Variants in TXNDC8 observed in about 807,000 individuals in gnomAD.
TXNDC8 encodes thioredoxin domain containing 8.
TXNDC8 carries 15 observed loss-of-function variants against 12.9 expected under a neutral mutation model. The ratio of observed to expected loss-of-function variants is 1.16; its 90% confidence interval spans 0.78 to 1.79. TXNDC8 has a LOEUF of 1.79. Among genes scored for constraint, TXNDC8 ranks in the 40% most tolerant of loss-of-function variants. TXNDC8 has a pLI of 0.00. For missense variants in TXNDC8, 128 were observed against 113.2 expected (o/e 1.13, Z -0.59); for synonymous variants, 40 against 35.4 (o/e 1.13, Z -0.46).
chr9:110,333,217 G>A (rs1219345455), intron 2 of TXNDC8, among the ~76,000 whole-genome samples: 3 of 152,160 alleles, frequency 2.0e-5, no homozygotes, highest in African/African-American at 4.8e-5. Flanking sequence ...ACAACGGGAG[G>A]TGAGCGGTGG....
At chr9:110,304,366 G>A (rs2118677543) in intron 4 of TXNDC8, 101 bp downstream of exon 5, 1 of 1,076,150 alleles carries the variant, frequency 9.3e-7, no homozygotes, top group Non-Finnish European at 1.4e-6. Context: ...AAAGGCTTCT[G>A]CTTCTCCAGG....
intron 3 of TXNDC8, among the ~76,000 whole-genome samples, chr9:110,311,521 G>GTA (rs66474968): frequency 0.15 from 5,910 of 40,632 alleles, 781 homozygotes; most frequent in Non-Finnish European, 0.22. Flanking sequence ...AAATAAAGAG[G>GTA]TATATATATA....
chr9:110,332,998 A>G (rs1390858081), intron 2 of TXNDC8, among the ~76,000 whole-genome samples: 3 of 152,240 alleles, frequency 2.0e-5, no homozygotes, highest in African/African-American at 7.2e-5. Flanking sequence ...TAAATACTGC[A>G]TGATTCAATT....
intron 3 of TXNDC8, chr9:110,323,962 G>T: frequency 2.6e-6 from 4 of 1,550,902 alleles, no homozygotes; most frequent in Non-Finnish European, 3.5e-6. Context: ...TTCTGATGGG[G>T]ATGGAGTTCA....
chr9:110,334,182 C>T (rs1839655092), intron 2 of TXNDC8, 34 bp downstream of exon 2: 1 of 1,484,888 alleles, frequency 6.7e-7, no homozygotes, highest in Non-Finnish European at 9.1e-7. Flanking sequence ...TAAATTTCTT[C>T]TGAAACTATG....
intron 3 of TXNDC8, among the ~76,000 whole-genome samples, chr9:110,312,517 C>T (rs745361813): frequency 1.3e-5 from 2 of 152,154 alleles, no homozygotes; most frequent in African/African-American, 4.8e-5. Context: ...CCCAGGAGCC[C>T]CAAGTTTATC....
chr9:110,332,765 A>G (rs902596839), intron 2 of TXNDC8, among the ~76,000 whole-genome samples: 4 of 152,252 alleles, frequency 2.6e-5, no homozygotes, highest in African/African-American at 9.6e-5. Flanking sequence ...AAAATATTGT[A>G]TAGATATTAA....
chr9:110,336,344 A>T (rs1193439031), intron 1 of TXNDC8, among the ~76,000 whole-genome samples: 2 of 152,192 alleles, frequency 1.3e-5, no homozygotes, highest in African/African-American at 4.8e-5. Flanking sequence ...CTTTATCAAT[A>T]TTCCTCTGGG....
chr9:110,311,870 A>G (rs1290729835), intron 3 of TXNDC8, among the ~76,000 whole-genome samples: 1 of 147,076 alleles, frequency 6.8e-6, no homozygotes, highest in African/African-American at 2.5e-5. Flanking sequence ...TACTATATAT[A>G]TATGGATATA....
intron 3 of TXNDC8, among the ~76,000 whole-genome samples, chr9:110,324,853 T>C (rs1564103906): frequency 6.6e-6 from 1 of 152,242 alleles, no homozygotes; most frequent in Admixed American, 6.5e-5. Context: ...GGCACATGCC[T>C]GTAATCCCAT....
chr9:110,315,220 C>T (rs1037800098), intron 3 of TXNDC8, among the ~76,000 whole-genome samples: 2 of 152,050 alleles, frequency 1.3e-5, no homozygotes, highest in Non-Finnish European at 2.9e-5. Flanking sequence ...GCCTCAGCCT[C>T]CCGAGTAGCT....
At chr9:110,321,066 G>A (rs1839075172) in intron 3 of TXNDC8, among the ~76,000 whole-genome samples, 1 of 152,238 alleles carries the variant, frequency 6.6e-6, no homozygotes, top group African/African-American at 2.4e-5. Flanking sequence ...TCCTAGGTCA[G>A]TGTATATAGC....
chr9:110,326,480 C>T (rs551802286), intron 2 of TXNDC8, among the ~76,000 whole-genome samples: 1 of 152,018 alleles, frequency 6.6e-6, no homozygotes, highest in Non-Finnish European at 1.5e-5. Flanking sequence ...CCCATAGAAC[C>T]AGGAGGTGGG....
At chr9:110,323,858 C>T (rs1338403322) in intron 3 of TXNDC8, 2 of 1,548,710 alleles carry the variant, frequency 1.3e-6, no homozygotes, top group East Asian at 4.9e-5. Context: ...CCAGTGATAT[C>T]AAAGGAGAAG....
At chr9:110,325,678 G>A (rs3983441) in intron 3 of TXNDC8, among the ~76,000 whole-genome samples, 20,265 of 151,904 alleles carry the variant, frequency 0.13, 1,621 homozygotes, top group African/African-American at 0.23. Context: ...CCGCCACCAC[G>A]CCTGGCTAAT....
intron 3 of TXNDC8, among the ~76,000 whole-genome samples, chr9:110,312,475 G>T (rs1196554448): frequency 6.6e-6 from 1 of 152,196 alleles, no homozygotes; most frequent in Non-Finnish European, 1.5e-5. Context: ...TTCCTGACCT[G>T]TGGTAAGTAA....
intron 2 of TXNDC8, among the ~76,000 whole-genome samples, chr9:110,327,148 T>C (rs749347589): frequency 3.3e-4 from 50 of 152,278 alleles, no homozygotes; most frequent in South Asian, 1.9e-3. Flanking sequence ...AGAGCTCTCA[T>C]CCATTGCTGG....
chr9:110,319,023 C>G (rs1467990558), intron 3 of TXNDC8, among the ~76,000 whole-genome samples: 1 of 152,188 alleles, frequency 6.6e-6, no homozygotes, highest in Non-Finnish European at 1.5e-5. Context: ...CTAGATGTTT[C>G]TAAATAGTTA....
chr9:110,324,662 CTG>C (rs1587978815), intron 3 of TXNDC8, among the ~76,000 whole-genome samples: 3 of 152,192 alleles, frequency 2.0e-5, no homozygotes, highest in East Asian at 1.9e-4. Flanking sequence ...ATATATGAAA[CTG>C]TTTTTTTTTC....
Sources: allele counts gnomAD v4.1 joint callset (sites outside exome capture counted in the v4.1 genomes callset), GRCh38; gene constraint gnomAD v4.1.1; transcripts MANE v1.5; gene names NCBI Gene and HGNC (gene_info 2026-07-23, HGNC 2026-07-21).